Variants in WASF1 observed in about 807,000 individuals in gnomAD.
The protein encoded by WASF1 is WASP family member 1, also known as actin-binding protein WASF1.
Under a neutral mutation model 50.5 loss-of-function variants are expected in WASF1, and 7 were observed. The ratio of observed to expected loss-of-function variants is 0.14; its 90% CI spans 0.08 to 0.26. The LOEUF is 0.26. Ranked by LOEUF, WASF1 falls within the 10% of genes least tolerant of loss-of-function variation. The pLI is 1.00. For missense variants in WASF1, 470 were observed against 694.7 expected (o/e 0.68, Z 3.64); for synonymous variants, 205 against 244.0 (o/e 0.84, Z 1.49).
At chr6:110,136,456 G>A (rs1045415247) in intron 3 of WASF1, among the ~76,000 whole-genome samples, 4 of 152,082 alleles carry the variant, frequency 2.6e-5, no homozygotes, top group Admixed American at 2.0e-4. Flanking sequence ...TAGCTTTACT[G>A]AGTTTTGTCT....
intron 3 of WASF1, among the ~76,000 whole-genome samples, chr6:110,150,129 T>C (rs1775759359): frequency 6.6e-6 from 1 of 152,180 alleles, no homozygotes; most frequent in South Asian, 2.1e-4. Flanking sequence ...TGTTCCTCAA[T>C]TCCCAGATGA....
At chr6:110,135,023 T>C (rs550943052) in intron 3 of WASF1, among the ~76,000 whole-genome samples, 2 of 152,332 alleles carry the variant, frequency 1.3e-5, no homozygotes, top group Admixed American at 1.3e-4. Flanking sequence ...CCATTTTGTT[T>C]GTGTTTTCTA....
chr6:110,161,484 A>C (rs1382125978), intron 2 of WASF1, among the ~76,000 whole-genome samples: 1 of 151,576 alleles, frequency 6.6e-6, no homozygotes. Flanking sequence ...ATAGCAGTGG[A>C]CCATTCTTCA....
chr6:110,104,176 T>C (rs968425062), intron 8 of WASF1, among the ~76,000 whole-genome samples: 8 of 152,200 alleles, frequency 5.3e-5, no homozygotes, highest in Non-Finnish European at 1.0e-4. Context: ...AAATTTTAGA[T>C]AACTCGAACA....
At chr6:110,178,412 T>C (rs1011177724) in intron 2 of WASF1, among the ~76,000 whole-genome samples, 186 bp downstream of exon 2, 1 of 152,192 alleles carries the variant, frequency 6.6e-6, no homozygotes, top group Non-Finnish European at 1.5e-5. Flanking sequence ...TTACCTACCA[T>C]GCAAATTTAA....
chr6:110,111,270 C>A lies in WASF1; in HGVS notation c.268+2056G>T, dbSNP rs184145666. Among the ~76,000 whole-genome samples, 65 of 151,926 alleles carry A rather than the reference C, an allele frequency of 4.3e-4. No individual in the cohort carries two copies. The East Asian group carries it at 0.012, about 27-fold the overall frequency. On this transcript the variant is annotated intron_variant, in intron 5 of 10. Coordinates refer to ENST00000392589, the MANE Select transcript of WASF1 (RefSeq NM_003931.3). ...ATAAATTATGTATTTGAAAGCATGA[C>A]CATAAAATATTTTTCACCACTAACA...
intron 3 of WASF1, among the ~76,000 whole-genome samples, chr6:110,148,584 A>G (rs747231607): frequency 4.6e-5 from 7 of 152,068 alleles, no homozygotes; most frequent in African/African-American, 7.2e-5. Context: ...GCAATCAGAG[A>G]CTCTAGGGTT....
chr6:110,171,954 A>G (rs1776736517), intron 2 of WASF1, among the ~76,000 whole-genome samples: 3 of 152,354 alleles, frequency 2.0e-5, no homozygotes, highest in Non-Finnish European at 4.4e-5. Context: ...ACTGGTCACT[A>G]AAGAAATGCA....
At chr6:110,126,938 T>C (rs1774442688) in intron 4 of WASF1, among the ~76,000 whole-genome samples, 1 of 152,180 alleles carries the variant, frequency 6.6e-6, no homozygotes, top group African/African-American at 2.4e-5. Context: ...TTTCACACAA[T>C]GCTGCATATC....
At chr6:110,135,340 T>G (rs1027595088) in intron 3 of WASF1, among the ~76,000 whole-genome samples, 1 of 152,206 alleles carries the variant, frequency 6.6e-6, no homozygotes, top group Non-Finnish European at 1.5e-5. Context: ...TCCTCTTTAC[T>G]GATCTGGATG....
chr6:110,120,756 T>A (rs1288803693), intron 4 of WASF1, among the ~76,000 whole-genome samples: 61 of 152,190 alleles, frequency 4.0e-4, no homozygotes, highest in African/African-American at 1.2e-3. Context: ...AGAACAAAGC[T>A]GGAGGCATCA....
chr6:110,145,822 C>T (rs924035030), intron 3 of WASF1, among the ~76,000 whole-genome samples: 18 of 151,992 alleles, frequency 1.2e-4, no homozygotes, highest in Non-Finnish European at 2.6e-4. Context: ...GAGTTCATGT[C>T]CTTTGCAGGG....
chr6:110,127,814 C>G (rs1055959545), intron 3 of WASF1, among the ~76,000 whole-genome samples, 185 bp from the exon 4 acceptor site: 2 of 152,150 alleles, frequency 1.3e-5, no homozygotes, highest in Admixed American at 1.3e-4. Flanking sequence ...CAAACCCCTC[C>G]TCTTCCTCCT....
intron 3 of WASF1, among the ~76,000 whole-genome samples, chr6:110,158,878 T>A (rs1470985363): frequency 6.6e-6 from 1 of 151,950 alleles, no homozygotes; most frequent in Non-Finnish European, 1.5e-5. Flanking sequence ...ATGAAAACCT[T>A]CTTGATAAAC....
chr6:110,130,476 A>C (rs944849693), intron 3 of WASF1, among the ~76,000 whole-genome samples: 1 of 152,240 alleles, frequency 6.6e-6, no homozygotes, highest in South Asian at 2.1e-4. Context: ...TATATAGACT[A>C]ATATGATACA....
At chr6:110,144,347 T>C (rs532398773) in intron 3 of WASF1, among the ~76,000 whole-genome samples, 2 of 152,354 alleles carry the variant, frequency 1.3e-5, no homozygotes, top group African/African-American at 4.8e-5. Context: ...GAGTTCATTG[T>C]AGATTCTGGA....
chr6:110,144,824 G>A (rs1775462705), intron 3 of WASF1, among the ~76,000 whole-genome samples: 1 of 152,286 alleles, frequency 6.6e-6, no homozygotes, highest in East Asian at 1.9e-4. Context: ...CTATCTCTCT[G>A]TTTTGGTACC....
In WASF1 at chr6:110,117,079, G is replaced by A. The variant is rs540051570; in HGVS notation, c.134-3619C>T. Among the ~76,000 whole-genome samples the A allele has an allele frequency of 4.4e-4, 65 of 146,358 alleles. No individual in the cohort carries two copies. In the South Asian group the frequency reaches 0.014, roughly 31 times the overall value. On this transcript the variant is annotated intron_variant, in intron 4 of 10. Transcript: ENST00000392589. ...ACCAGAGCAGAAAAGCTGAAAATTC[G>A]AAAAAAAAAACAAAGCGCCTCTTCT...
rs773120036 is a variant in WASF1 at position 110,105,407 on chromosome 6, C to T, written c.713G>A (p.Arg238Lys). ...AAAAAAAAAACAAAAGTAAAGAAAC[C>T]TTGTTTCAAAATGAGAGGCTGGGCC... ...ANGPASHFET[R>K]PQTYVDHMDG... Residue 238 changes from arginine (R) to lysine (K), a missense_variant and splice_region_variant, in exon 8 of 11, where the codon AGA becomes AAA. Physicochemically the swap from Arg to Lys is conservative, Grantham distance 26. This residue lies in a region of WASF1 where 294 missense variants were observed against 343.5 expected (regional missense o/e 0.86). Coordinates refer to ENST00000392589, the MANE Select transcript of WASF1 (RefSeq NM_003931.3). 1 of 1,587,002 alleles carries T rather than the reference C, an allele frequency of 6.3e-7. No individual in the cohort carries two copies.
Sources: allele counts gnomAD v4.1 joint callset (sites outside exome capture counted in the v4.1 genomes callset), GRCh38; gene constraint gnomAD v4.1.1; regional missense constraint gnomAD v4.1.1; transcripts MANE v1.5; gene names NCBI Gene and HGNC (gene_info 2026-07-23, HGNC 2026-07-21).